Variants in CNTN5 observed in about 807,000 individuals in gnomAD.
The protein encoded by CNTN5 is contactin 5, also known as contactin-5.
In CNTN5, 77 loss-of-function variants were observed where a neutral mutation model predicts 129.1. The ratio of observed to expected loss-of-function variants is 0.60; its 90% confidence interval spans 0.50 to 0.72. The LOEUF (loss-of-function observed/expected upper bound fraction) is 0.72. Ranked by LOEUF, CNTN5 falls within the 30% of genes least tolerant of loss-of-function variation. The probability of loss-of-function intolerance (pLI) is 0.00; values close to 1 mark genes in which losing one functional copy is unlikely to be tolerated. For missense variants in CNTN5, 1,478 were observed against 1,328.8 expected (o/e 1.11, Z -1.75); for synonymous variants, 509 against 465.6 (o/e 1.09, Z -1.20).
chr11:99,274,812 C>A (rs142302209), intron 1 of CNTN5, among the ~76,000 whole-genome samples: 3 of 151,348 alleles, frequency 2.0e-5, no homozygotes, highest in Non-Finnish European at 3.0e-5. Flanking sequence ...AATACTGCCT[C>A]CCAGATGCTG....
intron 18 of CNTN5, among the ~76,000 whole-genome samples, chr11:100,293,627 T>C (rs973966164): frequency 3.3e-5 from 5 of 151,658 alleles, no homozygotes; most frequent in East Asian, 3.9e-4. Flanking sequence ...AAGAAACAGG[T>C]ATAATTAGTA....
intron 1 of CNTN5, among the ~76,000 whole-genome samples, chr11:99,280,112 A>G (rs1166025352): frequency 1.3e-5 from 2 of 151,878 alleles, no homozygotes; most frequent in Non-Finnish European, 2.9e-5. Flanking sequence ...TCATCCATTT[A>G]TGAAATGTAT....
intron 2 of CNTN5, among the ~76,000 whole-genome samples, chr11:99,460,109 G>A (rs189551082): frequency 4.0e-5 from 6 of 151,858 alleles, no homozygotes; most frequent in East Asian, 1.9e-4. Flanking sequence ...GATGGAATGC[G>A]GGTGTCTTCC....
At chr11:99,681,711 A>G (rs1953562966) in intron 3 of CNTN5, among the ~76,000 whole-genome samples, 1 of 152,086 alleles carries the variant, frequency 6.6e-6, no homozygotes, top group African/African-American at 2.4e-5. Flanking sequence ...AATAATTCCC[A>G]GGTACACCTA....
Position 100,127,149 on chromosome 11 carries a change from G to A in CNTN5, c.1580+52855G>A, listed in dbSNP as rs144370607. On this transcript the variant is annotated intron_variant, in intron 13 of 24. Transcript: ENST00000524871. ...GAGATAGGGTTTTGCCATGCTGCCC[G>A]AGCTGGTCTCAAACCTCTGGTCTCA... Among the ~76,000 whole-genome samples, 572 of 137,886 alleles carry A rather than the reference G, an allele frequency of 4.1e-3. 3 individuals carry two copies. The highest frequency in any genetic ancestry group is 0.014 in the African/African-American group (521 of 35,934). The allele number at this position is 137,886 out of a possible 152,430, so 90.5% of individuals were successfully genotyped here.
At chr11:100,270,113 T>A (rs1950382836) in intron 17 of CNTN5, among the ~76,000 whole-genome samples, 2 of 149,638 alleles carry the variant, frequency 1.3e-5, no homozygotes, top group African/African-American at 4.9e-5. Flanking sequence ...AAAAAACACA[T>A]CAGCCCTGCA....
chr11:99,653,213 C>T (rs180711129), intron 3 of CNTN5, among the ~76,000 whole-genome samples: 3 of 151,966 alleles, frequency 2.0e-5, no homozygotes, highest in African/African-American at 4.8e-5. Context: ...AACTCATAGA[C>T]AGATTGGATT....
intron 9 of CNTN5, among the ~76,000 whole-genome samples, chr11:100,013,619 T>G (rs190002216): frequency 6.6e-6 from 1 of 152,204 alleles, no homozygotes; most frequent in South Asian, 2.1e-4. Context: ...AGGCAAATTA[T>G]GTATCCCATT....
At chr11:99,863,951 T>C (rs1040246992) in intron 6 of CNTN5, among the ~76,000 whole-genome samples, 1 of 152,146 alleles carries the variant, frequency 6.6e-6, no homozygotes, top group African/African-American at 2.4e-5. Flanking sequence ...CAGGTTGTTT[T>C]CTTATCCGTA....
At chr11:99,854,874 C>T (rs983619852) in intron 6 of CNTN5, among the ~76,000 whole-genome samples, 4 of 151,902 alleles carry the variant, frequency 2.6e-5, no homozygotes, top group African/African-American at 9.7e-5. Flanking sequence ...ATGTGTTTCT[C>T]TCACAGAGAC....
chr11:99,811,052 A>G (rs545178746), intron 3 of CNTN5, among the ~76,000 whole-genome samples: 63 of 152,264 alleles, frequency 4.1e-4, no homozygotes, highest in African/African-American at 1.3e-3. Flanking sequence ...ATTTAAAATC[A>G]AACTTCAAAA....
In CNTN5 at chr11:100,051,011, C is replaced by G. The variant is rs118096602; in HGVS notation, c.981-10201C>G. Among the ~76,000 whole-genome samples, 758 of 152,176 alleles carry G rather than the reference C, an allele frequency of 5.0e-3. 2 individuals carry two copies. The highest frequency in any genetic ancestry group is 7.0e-3 in the Non-Finnish European group (478 of 67,978). On this transcript the variant is annotated intron_variant, in intron 9 of 24. Coordinates refer to ENST00000524871, the MANE Select transcript of CNTN5 (RefSeq NM_014361.4). ...TAGTTGGAGATTTTAACACTCTTCT[C>G]TAGTAATTTATCAATTACAAGAACA...
chr11:99,755,155 C>T (rs556085742), intron 3 of CNTN5, among the ~76,000 whole-genome samples: 5 of 152,088 alleles, frequency 3.3e-5, no homozygotes, highest in South Asian at 4.1e-4. Context: ...GGTTTCCAAA[C>T]GGTGTTAATT....
intron 4 of CNTN5, among the ~76,000 whole-genome samples, chr11:99,835,739 A>G (rs1385297142): frequency 6.6e-6 from 1 of 152,214 alleles, no homozygotes; most frequent in Non-Finnish European, 1.5e-5. Flanking sequence ...CTAATTTAAA[A>G]AACTGGAGCA....
intron 21 of CNTN5, among the ~76,000 whole-genome samples, chr11:100,310,043 T>C (rs1369461091): frequency 6.6e-6 from 1 of 151,894 alleles, no homozygotes; most frequent in Non-Finnish European, 1.5e-5. Context: ...AACCACATTC[T>C]TGCTCAGCTC....
At chr11:100,258,804 AT>A (rs1950132933) in intron 17 of CNTN5, among the ~76,000 whole-genome samples, 1 of 152,218 alleles carries the variant, frequency 6.6e-6, no homozygotes, top group Non-Finnish European at 1.5e-5. Flanking sequence ...AGCACTCAAT[AT>A]GGAAAGGAAA....
At chr11:99,138,041 G>T (rs115954992) in intron 1 of CNTN5, among the ~76,000 whole-genome samples, 8 of 152,058 alleles carry the variant, frequency 5.3e-5, no homozygotes, top group African/African-American at 1.7e-4. Flanking sequence ...TCACTTTTGA[G>T]CTAGCAAAAG....
chr11:99,174,836 C>T (rs1461042215), intron 1 of CNTN5, among the ~76,000 whole-genome samples: 1 of 151,968 alleles, frequency 6.6e-6, no homozygotes, highest in East Asian at 1.9e-4. Context: ...AATTTTCCAA[C>T]TATTATACTT....
At chr11:99,039,970 G>A (rs1254785694) in intron 1 of CNTN5, among the ~76,000 whole-genome samples, 1 of 151,990 alleles carries the variant, frequency 6.6e-6, no homozygotes, top group Non-Finnish European at 1.5e-5. Flanking sequence ...GTAATTTTAG[G>A]CAATAGATTA....
Sources: gnomAD v4.1 joint callset for allele counts (sites outside exome capture counted in the v4.1 genomes callset) on GRCh38, gnomAD v4.1.1 for gene constraint, MANE v1.5 for transcripts, NCBI Gene and HGNC (gene_info 2026-07-23, HGNC 2026-07-21) for gene names.